Variants in DYSF observed in about 807,000 individuals in gnomAD.
DYSF encodes dystrophy-associated fer-1-like 1.
Under a neutral mutation model 274.9 loss-of-function variants are expected in DYSF, and 212 were observed. The ratio of observed to expected loss-of-function variants is 0.77; its 90% CI spans 0.69 to 0.86. The LOEUF (loss-of-function observed/expected upper bound fraction) is 0.86. Among genes scored for constraint, DYSF ranks in the 40% least tolerant of loss-of-function variants. The pLI is 0.00. For missense variants in DYSF, 2,666 were observed against 2,783.2 expected, an observed-to-expected ratio of 0.96 and a Z score of 0.95; for synonymous variants, 1,091 against 1,078.7, an observed-to-expected ratio of 1.01 and a Z score of -0.22.
chr2:71,664,043 C>A (rs933554383), intron 45 of DYSF, among the ~76,000 whole-genome samples: 5 of 152,224 alleles, frequency 3.3e-5, no homozygotes, highest in African/African-American at 1.2e-4. Flanking sequence ...CAGGCAGGCA[C>A]TTGCCTTATG....
intron 29 of DYSF, among the ~76,000 whole-genome samples, chr2:71,572,037 A>T (rs928527996): frequency 4.8e-5 from 6 of 123,946 alleles, no homozygotes; most frequent in African/African-American, 1.5e-4. Context: ...TACACCTAGC[A>T]CACCCACAGA....
Position 71,500,794 on chromosome 2 carries a change from G to A in DYSF, c.240-2420G>A, listed in dbSNP as rs142409558. Among the ~76,000 whole-genome samples, 527 of 152,106 alleles carry A rather than the reference G, an allele frequency of 3.5e-3. 8 individuals carry two copies. The highest frequency in any genetic ancestry group is 0.012 in the African/African-American group (511 of 41,508). On this transcript the variant is annotated intron_variant, in intron 3 of 55. Transcript: ENST00000410020. ...AGGCCTCCTTGGGCCCTGCCTCCCA[G>A]TCCCCAAGGAGAGAAGCCTCAGTGC...
chr2:71,607,058 C>T (rs1195340427), intron 36 of DYSF, among the ~76,000 whole-genome samples: 1 of 152,190 alleles, frequency 6.6e-6, no homozygotes, highest in African/African-American at 2.4e-5. Context: ...AGGACACAAT[C>T]AAATGAACAC....
intron 41 of DYSF, among the ~76,000 whole-genome samples, chr2:71,623,619 T>C (rs2094150285): frequency 6.6e-6 from 1 of 152,148 alleles, no homozygotes; most frequent in South Asian, 2.1e-4. Context: ...CCAAAATGCA[T>C]TATCCAGGAT....
At chr2:71,594,366 G>A (rs916473306) in intron 32 of DYSF, among the ~76,000 whole-genome samples, 1 of 152,102 alleles carries the variant, frequency 6.6e-6, no homozygotes, top group Admixed American at 6.5e-5. Flanking sequence ...CACTTAAAAA[G>A]GGTTCCTGAG....
At chr2:71,453,794 G>A (rs2080936054) in exon 1 of DYSF, 2 of 608,928 alleles carry the variant, frequency 3.3e-6, no homozygotes, top group Non-Finnish European at 5.9e-6. Context: ...GCCGGGGCGG[G>A]GACCCAGCCT....
At chr2:71,554,049 C>T (rs1199252688) in intron 21 of DYSF, 118 bp downstream of exon 21, 7 of 1,496,216 alleles carry the variant, frequency 4.7e-6, no homozygotes, top group Non-Finnish European at 6.5e-6. Context: ...GCTGTGCCTA[C>T]TGACCTTTGT....
chr2:71,539,292 C>A, intron 17 of DYSF, 53 bp downstream of exon 17: 2 of 1,487,942 alleles, frequency 1.3e-6, no homozygotes, highest in South Asian at 1.1e-5. Context: ...CCCCCGTACC[C>A]CCTCTATCCA....
chr2:71,489,187 C>T (rs895360732), intron 3 of DYSF, among the ~76,000 whole-genome samples: 3 of 152,204 alleles, frequency 2.0e-5, no homozygotes, highest in Non-Finnish European at 4.4e-5. Flanking sequence ...GCACTGCTGC[C>T]TTGCTCTTGT....
At chr2:71,643,915 G>GC (rs1287451116) in intron 41 of DYSF, 50 bp from the exon 42 acceptor site, 4 of 1,454,300 alleles carry the variant, frequency 2.8e-6, no homozygotes, top group Non-Finnish European at 2.9e-6. Context: ...GAAGAATGCT[G>GC]CTTGGCGAGT....
intron 1 of DYSF, 26 bp downstream of exon 1, chr2:71,466,959 C>A: frequency 6.5e-7 from 1 of 1,546,984 alleles, no homozygotes; most frequent in South Asian, 1.2e-5. Flanking sequence ...CTGCCGCGCC[C>A]ATGCTCGGGT....
chr2:71,481,856 T>C, intron 2 of DYSF, 23 bp from the exon 3 acceptor site: 1 of 1,604,358 alleles, frequency 6.2e-7, no homozygotes, highest in Non-Finnish European at 8.5e-7. Flanking sequence ...TAGGTTAAGA[T>C]GCCTTTTCTC....
chr2:71,641,400 C>T (rs910223603), intron 41 of DYSF, among the ~76,000 whole-genome samples: 8 of 151,880 alleles, frequency 5.3e-5, no homozygotes, highest in Admixed American at 3.3e-4. Flanking sequence ...AGGATGGTCT[C>T]GATCTCCTGA....
chr2:71,488,187 AT>A (rs1313149993), intron 3 of DYSF, among the ~76,000 whole-genome samples: 2 of 152,222 alleles, frequency 1.3e-5, no homozygotes, highest in African/African-American at 4.8e-5. Context: ...AATGAAAAGA[AT>A]TTTGGTAAAA....
Position 71,589,663 on chromosome 2 carries a change from C to T in DYSF, c.3473C>T (p.Pro1158Leu), listed in dbSNP as rs2093191887. The change falls in exon 31 of 56, where the codon CCC becomes CTC. Residue 1158 changes from proline to leucine, a missense_variant. Coordinates refer to ENST00000410020, the MANE Select transcript of DYSF (RefSeq NM_001130987.2). ...ACCTTGAGCTTCGGTGTGAACAGAC[C>T]CACGATTTCCTGCATATTCGACTGT... Reference protein sequence around the residue: ...VSTLSFGVNRPTISCIFDYGN... With the variant: ...VSTLSFGVNRLTISCIFDYGN... The T allele has an allele frequency of 1.9e-6, 3 of 1,613,948 alleles. No homozygotes were observed. In the African/African-American group the frequency reaches 4.0e-5, roughly 22 times the overall value.
chr2:71,649,541 A>C (rs186661946), intron 42 of DYSF, among the ~76,000 whole-genome samples: 38 of 152,288 alleles, frequency 2.5e-4, no homozygotes, highest in Middle Eastern at 3.4e-3. Context: ...ACTATGCCTA[A>C]AGACATAGAG....
intron 6 of DYSF, 101 bp downstream of exon 6, chr2:71,513,433 ACTC>A (rs2086313309): frequency 1.6e-5 from 20 of 1,285,266 alleles, no homozygotes; most frequent in Admixed American, 2.1e-5. Flanking sequence ...GTGGCAGAGG[ACTC>A]CTCCTGCAGG....
intron 4 of DYSF, among the ~76,000 whole-genome samples, chr2:71,507,025 G>A (rs1377682962): frequency 1.3e-5 from 2 of 152,184 alleles, no homozygotes; most frequent in Non-Finnish European, 2.9e-5. Flanking sequence ...AACCCCAGAA[G>A]GGGCTGCCTA....
At chr2:71,592,115 G>A (rs2152845804) in intron 32 of DYSF, among the ~76,000 whole-genome samples, 1 of 152,358 alleles carries the variant, frequency 6.6e-6, no homozygotes, top group South Asian at 2.1e-4. Context: ...AGGTGAGGGT[G>A]CCGGGAGCGG....
Sources: gnomAD v4.1 joint callset for allele counts (sites outside exome capture counted in the v4.1 genomes callset) on GRCh38, gnomAD v4.1.1 for gene constraint, MANE v1.5 for transcripts, NCBI Gene and HGNC (gene_info 2026-07-23, HGNC 2026-07-21) for gene names.